The following EPHB2 variants were observed in gnomAD, a reference collection of about 807,000 sequenced individuals.
The protein encoded by EPHB2 is EPH receptor B2, also known as ephrin type-B receptor 2.
Under a neutral mutation model 96.4 loss-of-function variants are expected in EPHB2, and 18 were observed. The ratio of observed to expected loss-of-function variants is 0.19; its 90% CI spans 0.13 to 0.28. The LOEUF is 0.28. Among genes scored for constraint, EPHB2 ranks in the 10% least tolerant of loss-of-function variants. EPHB2 has a pLI of 1.00. For synonymous variants in EPHB2, 506 were observed against 534.1 expected (o/e 0.95, Z 0.72); for missense variants, 989 against 1,355.4 (o/e 0.73, Z 4.25).
chr1:22,813,032 G>T (rs1181986706), intron 3 of EPHB2, among the ~76,000 whole-genome samples: 1 of 152,152 alleles, frequency 6.6e-6, no homozygotes, highest in Non-Finnish European at 1.5e-5. Flanking sequence ...TTGATGATTT[G>T]TAATTTATTA....
intron 14 of EPHB2, among the ~76,000 whole-genome samples, chr1:22,911,155 T>TAAATAAAA (rs1640089860): frequency 7.0e-6 from 1 of 143,614 alleles, no homozygotes; most frequent in African/African-American, 2.9e-5. Context: ...AATAAATAAA[T>TAAATAAAA]AAATAAATAA....
At chr1:22,807,732 C>T (rs1205974666) in intron 3 of EPHB2, among the ~76,000 whole-genome samples, 1 of 152,204 alleles carries the variant, frequency 6.6e-6, no homozygotes, top group Admixed American at 6.5e-5. Context: ...GAGGGAGTGA[C>T]TTTGCAGGGA....
intron 1 of EPHB2, among the ~76,000 whole-genome samples, chr1:22,741,954 A>G (rs1034864608): frequency 6.6e-6 from 1 of 152,050 alleles, no homozygotes; most frequent in African/African-American, 2.4e-5. Context: ...TCCAGTGCCC[A>G]TGTACTTCAT....
chr1:22,827,668 C>G (rs924944144), intron 3 of EPHB2, among the ~76,000 whole-genome samples: 5 of 152,196 alleles, frequency 3.3e-5, no homozygotes, highest in African/African-American at 4.8e-5. Flanking sequence ...ATAGTAAGTC[C>G]TCAATCAAAC....
chr1:22,792,009 G>T (rs1644700506), intron 3 of EPHB2, among the ~76,000 whole-genome samples: 1 of 152,166 alleles, frequency 6.6e-6, no homozygotes, highest in Admixed American at 6.5e-5. Context: ...CTCCAGCATG[G>T]GATGTTATGC....
chr1:22,832,563 C>A (rs951635025), intron 3 of EPHB2, among the ~76,000 whole-genome samples: 1 of 152,106 alleles, frequency 6.6e-6, no homozygotes, highest in African/African-American at 2.4e-5. Context: ...ATGGAGTGGG[C>A]CATCCCAGCC....
chr1:22,843,828 A>G (rs1221120744), intron 3 of EPHB2, among the ~76,000 whole-genome samples: 1 of 152,264 alleles, frequency 6.6e-6, no homozygotes, highest in African/African-American at 2.4e-5. Flanking sequence ...GGCGTGGGCC[A>G]CCGTACCCAG....
chr1:22,774,991 A>G (rs896506765), intron 1 of EPHB2, among the ~76,000 whole-genome samples: 1 of 152,190 alleles, frequency 6.6e-6, no homozygotes. Flanking sequence ...TGTACACTAG[A>G]GTGCCAGAGC....
At chr1:22,901,000 C>A (rs368280575) in intron 9 of EPHB2, among the ~76,000 whole-genome samples, 1 of 152,196 alleles carries the variant, frequency 6.6e-6, no homozygotes, top group East Asian at 1.9e-4. Context: ...TGGTTTTCAT[C>A]CCTATTCTGC....
At chr1:22,744,477 ATATAC>A (rs1455592575) in intron 1 of EPHB2, among the ~76,000 whole-genome samples, 1 of 148,636 alleles carries the variant, frequency 6.7e-6, no homozygotes, top group Non-Finnish European at 1.5e-5. Context: ...TATATATATA[ATATAC>A]TGTATTCTTA....
In EPHB2 at chr1:22,805,032, G is replaced by GC. The variant is rs1270626456; in HGVS notation, c.811+19962dup. 2.6e-5 allele frequency among the ~76,000 whole-genome samples: 4 copies of GC among 151,582 alleles called. No individual in the cohort carries two copies. In the East Asian group the frequency reaches 7.8e-4, roughly 30 times the overall value. On this transcript the variant is annotated intron_variant, in intron 3 of 15. Coordinates refer to ENST00000374630, the MANE Select transcript of EPHB2 (RefSeq NM_017449.5). The stretch of plus-strand genomic sequence containing the variant: ...CCCAGACACATTGGGGTCAGGACAT[G>GC]CCCCCCAACCTCCCCCTCTAGCAAG...
chr1:22,725,810 C>T (rs1489281444), intron 1 of EPHB2, among the ~76,000 whole-genome samples: 1 of 152,230 alleles, frequency 6.6e-6, no homozygotes, highest in Non-Finnish European at 1.5e-5. Context: ...CTGCCCCGAG[C>T]TTCTACTCAT....
intron 14 of EPHB2, 84 bp from the exon 15 acceptor site, chr1:22,912,360 G>A (rs1022889656): frequency 1.2e-5 from 19 of 1,578,404 alleles, no homozygotes; most frequent in Middle Eastern, 2.0e-4. Context: ...GCACATTCAC[G>A]CATACGCAGC....
At position 22,711,053 on chromosome 1, in the gene EPHB2, C is replaced by G. The variant is rs1478841231; in HGVS notation, c.61+10C>G. The G allele has an allele frequency of 9.6e-5, 14 of 146,546 alleles. No individual in the cohort carries two copies. The highest frequency in any genetic ancestry group is 3.5e-4 in the African/African-American group (14 of 40,474). The allele number at this position is 146,546 out of a possible 1,614,324, so 9.1% of individuals were successfully genotyped here. ...CTCGCCGCCGTGGAAGGTGAGCGAG[C>G]GGGCGGGCGGGCGGGCGATGGGGGC... On this transcript the variant is annotated intron_variant, in intron 1 of 15. Transcript: ENST00000374630.
intron 3 of EPHB2, among the ~76,000 whole-genome samples, chr1:22,832,334 C>T (rs1442832767): frequency 1.3e-5 from 2 of 152,154 alleles, no homozygotes; most frequent in Admixed American, 1.3e-4. Context: ...TTCACAATAC[C>T]GGGCCTCAAG....
At chr1:22,772,555 G>A (rs1440572810) in intron 1 of EPHB2, among the ~76,000 whole-genome samples, 1 of 152,244 alleles carries the variant, frequency 6.6e-6, no homozygotes, top group African/African-American at 2.4e-5. Context: ...TCTTCTAGGA[G>A]CTAGTCGGGG....
At chr1:22,912,954 G>A (rs1640155789) in intron 15 of EPHB2, 1 of 367,230 alleles carries the variant, frequency 2.7e-6, no homozygotes, top group Admixed American at 3.7e-5. Flanking sequence ...TAGTACATTG[G>A]GAGGCCGAGG....
intron 3 of EPHB2, among the ~76,000 whole-genome samples, chr1:22,845,274 C>T (rs1645525783): frequency 6.6e-6 from 1 of 152,144 alleles, no homozygotes; most frequent in African/African-American, 2.4e-5. Context: ...ATGATTAATC[C>T]ATATAACGCA....
At chr1:22,871,070 C>T (rs1233202134) in intron 5 of EPHB2, among the ~76,000 whole-genome samples, 2 of 152,238 alleles carry the variant, frequency 1.3e-5, no homozygotes, top group Non-Finnish European at 2.9e-5. Flanking sequence ...AGGCACCGTG[C>T]TAAGCCCTTA....
Sources: gnomAD v4.1 joint callset for allele counts (sites outside exome capture counted in the v4.1 genomes callset) on GRCh38, gnomAD v4.1.1 for gene constraint, MANE v1.5 for transcripts, NCBI Gene and HGNC (gene_info 2026-07-23, HGNC 2026-07-21) for gene names.